The following CFAP91 variants were observed in gnomAD, a reference collection of about 807,000 sequenced individuals.
CFAP91 encodes cilia and flagella associated protein 91.
A neutral mutation model predicts 95.9 loss-of-function variants in CFAP91; 85 were observed. The observed-to-expected ratio is 0.89, with a 90% CI of 0.74 to 1.06. The LOEUF is 1.06. CFAP91 is among the 50% of genes least tolerant of loss of function. The pLI is 0.00. For synonymous variants in CFAP91, 335 were observed against 327.5 expected (o/e 1.02, Z -0.25); for missense variants, 962 against 943.4 (o/e 1.02, Z -0.26).
At chr3:119,761,269 G>A (rs1253124328) in intron 17 of CFAP91, among the ~76,000 whole-genome samples, 12 of 151,636 alleles carry the variant, frequency 7.9e-5, no homozygotes, top group South Asian at 2.1e-4. Context: ...TAGAAGAAAT[G>A]GATGTCTAGA....
chr3:119,726,874 A>G (rs2053794424), intron 7 of CFAP91, among the ~76,000 whole-genome samples: 1 of 140,780 alleles, frequency 7.1e-6, no homozygotes, highest in African/African-American at 2.7e-5. Context: ...CGTGCTAGCT[A>G]GAGCTGATGG....
At chr3:119,715,999 C>T (rs1488972432) in intron 6 of CFAP91, 4 of 590,446 alleles carry the variant, frequency 6.8e-6, no homozygotes, top group Non-Finnish European at 1.2e-5. Flanking sequence ...GCTTTGCTGA[C>T]TACTCACCTA....
intron 14 of CFAP91, among the ~76,000 whole-genome samples, chr3:119,746,706 A>G (rs1021816834): frequency 2.6e-5 from 4 of 152,252 alleles, no homozygotes; most frequent in African/African-American, 4.8e-5. Context: ...CAGGGGTTCT[A>G]TTATGTAAGA....
At chr3:119,712,898 T>G (rs2053497782) in intron 5 of CFAP91, among the ~76,000 whole-genome samples, 1 of 148,264 alleles carries the variant, frequency 6.7e-6, no homozygotes, top group African/African-American at 2.5e-5. Flanking sequence ...GATGTTGCAG[T>G]GAGCTGAGAT....
At chr3:119,763,887 G>A (rs1438593221) in intron 17 of CFAP91, among the ~76,000 whole-genome samples, 8 of 152,048 alleles carry the variant, frequency 5.3e-5, no homozygotes, top group African/African-American at 2.4e-5. Context: ...CTGTTAGGAA[G>A]AGTAAGTTCA....
intron 6 of CFAP91, among the ~76,000 whole-genome samples, chr3:119,723,538 A>G (rs2053724740): frequency 6.6e-6 from 1 of 152,234 alleles, no homozygotes; most frequent in Non-Finnish European, 1.5e-5. Flanking sequence ...ATCTGTATAT[A>G]TCAGTACAGC....
intron 2 of CFAP91, 160 bp downstream of exon 2, chr3:119,707,045 GTGTGGCTCAT>G (rs2053378404): frequency 1.6e-6 from 1 of 614,608 alleles, no homozygotes; most frequent in South Asian, 2.1e-5. Context: ...ATCTTAATAC[GTGTGGCTCAT>G]TGTGAGGATT....
At chr3:119,732,561 T>A in intron 9 of CFAP91, 85 bp downstream of exon 9, 1 of 978,248 alleles carries the variant, frequency 1.0e-6, no homozygotes, top group South Asian at 1.7e-5. Context: ...GAAATTTAGA[T>A]TAAAAGCTAA....
chr3:119,739,324 A>G lies in CFAP91; in HGVS notation c.1531A>G (p.Met511Val), dbSNP rs202213372. Reference protein sequence around the residue: ...KLLRGRVVQNMMFEGKEKRLE... With the variant: ...KLLRGRVVQNVMFEGKEKRLE... ...ACTCCGGGGCAGAGTCGTTCAGAAC[A>G]TGGTGTGTAGGTCCAACCGCTGGCC... is the stretch of plus-strand genomic sequence containing the variant. Residue 511 changes from methionine to valine, a missense_variant and splice_region_variant, in exon 12 of 18, where the codon ATG becomes GTG. Transcript: ENST00000273390. 14 of 1,613,802 alleles carry G rather than the reference A, an allele frequency of 8.7e-6. No individual in the cohort carries two copies. The highest frequency in any genetic ancestry group is 2.2e-5 in the East Asian group (1 of 44,896).
At chr3:119,712,936 C>T (rs2053498982) in intron 5 of CFAP91, among the ~76,000 whole-genome samples, 1 of 143,214 alleles carries the variant, frequency 7.0e-6, no homozygotes, top group African/African-American at 2.6e-5. Flanking sequence ...GCCTGGGTGG[C>T]AGAGTGAGAC....
intron 10 of CFAP91, among the ~76,000 whole-genome samples, chr3:119,735,836 T>G (rs1316248288): frequency 2.0e-5 from 3 of 152,214 alleles, no homozygotes; most frequent in African/African-American, 7.2e-5. Context: ...TTTTATTGCT[T>G]TAGTTAACAG....
rs1421681180 is a variant in CFAP91 at position 119,707,485 on chromosome 3, C to A, written c.283C>A (p.Pro95Thr). The change falls in exon 3 of 18, where the codon CCT becomes ACT. Residue 95 changes from proline to threonine, a missense_variant. Transcript: ENST00000273390. ...TTCTCTATATTGGAGCAAGTCAGAT[C>A]CTGTCCCACCATTTATCAGTCGGGA... ...RYSLYWSKSD[P>T]VPPFISREWK... 35 of 1,598,608 alleles carry A rather than the reference C, an allele frequency of 2.2e-5. No individual in the cohort carries two copies. Among genetic ancestry groups the A allele is most frequent in the Non-Finnish European group, 2.8e-5 (33 of 1,169,430 alleles).
At chr3:119,736,648 T>A (rs1281818226) in intron 10 of CFAP91, among the ~76,000 whole-genome samples, 1 of 152,196 alleles carries the variant, frequency 6.6e-6, no homozygotes, top group East Asian at 1.9e-4. Context: ...GTATATGGCC[T>A]TTTGCGTCTG....
At chr3:119,763,739 A>G (rs1428756694) in intron 17 of CFAP91, among the ~76,000 whole-genome samples, 3 of 152,090 alleles carry the variant, frequency 2.0e-5, no homozygotes, top group African/African-American at 7.2e-5. Flanking sequence ...ACCAGGTGTA[A>G]TGCATCCACA....
chr3:119,754,671 T>C (rs1296292246), intron 17 of CFAP91, among the ~76,000 whole-genome samples: 1 of 152,148 alleles, frequency 6.6e-6, no homozygotes, highest in African/African-American at 2.4e-5. Context: ...GATCCAGAGA[T>C]CATCAGGGCC....
chr3:119,714,397 T>C (rs1371077967), intron 5 of CFAP91, among the ~76,000 whole-genome samples: 1 of 150,488 alleles, frequency 6.6e-6, no homozygotes, highest in Non-Finnish European at 1.5e-5. Context: ...AAAGAAACGC[T>C]GGAGCAAAGC....
intron 16 of CFAP91, chr3:119,750,105 T>C (rs1245075545): frequency 6.6e-6 from 1 of 152,196 alleles, no homozygotes; most frequent in East Asian, 1.9e-4. Flanking sequence ...TAAAAACTGC[T>C]GAGTGAATTA....
chr3:119,709,122 C>T (rs2053428379), intron 4 of CFAP91, among the ~76,000 whole-genome samples: 1 of 152,184 alleles, frequency 6.6e-6, no homozygotes, highest in Admixed American at 6.5e-5. Context: ...CTTGCCTAAA[C>T]CAACAAGGCC....
intron 9 of CFAP91, 38 bp downstream of exon 9, chr3:119,732,514 G>A: frequency 7.6e-7 from 1 of 1,320,828 alleles, no homozygotes; most frequent in Non-Finnish European, 1.0e-6. Context: ...AGTATAAGAA[G>A]GTTGTCTCAG....
Sources: allele counts gnomAD v4.1 joint callset (sites outside exome capture counted in the v4.1 genomes callset), GRCh38; gene constraint gnomAD v4.1.1; transcripts MANE v1.5; gene names NCBI Gene and HGNC (gene_info 2026-07-23, HGNC 2026-07-21).